Variants in NR1H2 observed in about 807,000 individuals in gnomAD.
NR1H2 encodes oxysterols receptor LXR-beta.
Under a neutral mutation model 51.2 loss-of-function variants are expected in NR1H2, and 33 were observed. That is an observed-to-expected ratio of 0.64 (90% CI 0.49 to 0.86). The LOEUF is 0.86. NR1H2 is among the 40% of genes least tolerant of loss of function. The pLI is 0.00. For missense variants in NR1H2, 592 were observed against 639.9 expected, an observed-to-expected ratio of 0.93 and a Z score of 0.81; for synonymous variants, 310 against 264.3, an observed-to-expected ratio of 1.17 and a Z score of -1.68.
rs2037720841 is a variant in NR1H2 at position 50,379,031 on chromosome 19, C to T, written c.777C>T (p.Ser259=). The T allele has an allele frequency of 6.2e-7, 1 of 1,612,490 alleles. No individual in the cohort carries two copies. Among genetic ancestry groups the T allele is most frequent in the African/African-American group, 1.3e-5 (1 of 74,896 alleles). Residue 259 remains serine (S), a synonymous_variant, in exon 7 of 10, where the codon TCC becomes TCT. Transcript: ENST00000253727. ...TPWPLGADPQ[S]RDARQQRFAH... The stretch of plus-strand genomic sequence containing the variant: ...GGCCCCTGGGCGCAGACCCCCAGTC[C>T]CGAGATGCCCGCCAGCAACGCTTTG...
Position 50,377,567 on chromosome 19 carries a change from C to G in NR1H2, c.-19-20C>G. Reference sequence around the variant, plus strand: ...ACCCTTCTTAGCCCCACAAGGCTCTCAATCCCCTGTATTCTACAGGCTGCT... The same window carrying G: ...ACCCTTCTTAGCCCCACAAGGCTCTGAATCCCCTGTATTCTACAGGCTGCT... On this transcript the variant is annotated intron_variant, in intron 2 of 9. Coordinates refer to ENST00000253727, the MANE Select transcript of NR1H2 (RefSeq NM_007121.7). 6.2e-7 allele frequency: 1 copy of G among 1,604,118 alleles called. No individual in the cohort carries two copies. The highest frequency in any genetic ancestry group is 8.5e-7 in the Non-Finnish European group (1 of 1,172,546).
chr19:50,379,128 C>T lies in NR1H2; in HGVS notation c.874C>T (p.Leu292=), dbSNP rs1207096864. The stretch of plus-strand genomic sequence containing the variant: ...CTTCGCTAAGCAAGTGCCTGGTTTC[C>T]TGCAGCTGGGCCGGGAGGACCAGAT... ...VDFAKQVPGF[L]QLGREDQIAL... Residue 292 remains leucine, a synonymous_variant, in exon 7 of 10, where the codon CTG becomes TTG. Coordinates refer to ENST00000253727, the MANE Select transcript of NR1H2 (RefSeq NM_007121.7). 6.2e-7 allele frequency: 1 copy of T among 1,614,000 alleles called. No individual in the cohort carries two copies. The highest frequency in any genetic ancestry group is 8.5e-7 in the Non-Finnish European group (1 of 1,180,016).
At position 50,378,267 on chromosome 19, in the gene NR1H2, C is replaced by T. The variant is rs756954041; in HGVS notation, c.300C>T (p.Asn100=). Residue 100 remains asparagine, a synonymous_variant, in exon 5 of 10, where the codon AAC becomes AAT. Coordinates refer to ENST00000253727, the MANE Select transcript of NR1H2 (RefSeq NM_007121.7). ...ACAAGGCCTCCGGCTTCCACTACAA[C>T]GTGCTCAGCTGCGAAGGCTGCAAGG... ...CGDKASGFHY[N]VLSCEGCKGF... The T allele has an allele frequency of 1.5e-5, 25 of 1,613,460 alleles. No individual in the cohort carries two copies. Among genetic ancestry groups the T allele is most frequent in the African/African-American group, 1.3e-4 (10 of 74,954 alleles).
At position 50,378,022 on chromosome 19, in the gene NR1H2, AATGTG is replaced by A. The variant is rs1049608427; in HGVS notation, c.182-125_182-121del. 25 of 1,413,280 alleles carry A rather than the reference AATGTG, an allele frequency of 1.8e-5. No individual in the cohort carries two copies. In the African/African-American group the frequency reaches 3.2e-4, roughly 18 times the overall value. The allele number at this position is 1,413,280 out of a possible 1,614,324, so 87.5% of individuals were successfully genotyped here. The stretch of plus-strand genomic sequence containing the variant: ...ATCTTTCTAAATTGCAATTTCCCTG[AATGTG>A]AGCAGCAACTCCTCTCTCCCTCCAT... On this transcript the variant is annotated intron_variant, in intron 4 of 9. Coordinates refer to ENST00000253727, the MANE Select transcript of NR1H2 (RefSeq NM_007121.7).
chr19:50,381,475 G>A (rs990560533), intron 8 of NR1H2, among the ~76,000 whole-genome samples: 1 of 152,182 alleles, frequency 6.6e-6, no homozygotes, highest in East Asian at 1.9e-4. Flanking sequence ...GTCTATGACC[G>A]GTCCCCTAGG....
chr19:50,381,208 A>G (rs2037760177), intron 8 of NR1H2, among the ~76,000 whole-genome samples: 2 of 152,196 alleles, frequency 1.3e-5, no homozygotes, highest in African/African-American at 4.8e-5. Context: ...GGACCTTCCC[A>G]GTTTTAACAC....
Position 50,382,523 on chromosome 19 carries a change from C to T in NR1H2, c.1304C>T (p.Ser435Leu). 2 of 1,610,050 alleles carry T rather than the reference C, an allele frequency of 1.2e-6. No individual in the cohort carries two copies. The highest frequency in any genetic ancestry group is 1.7e-6 in the Non-Finnish European group (2 of 1,178,320). The change falls in exon 10 of 10, where the codon TCG becomes TTG. Residue 435 changes from serine to leucine, a missense_variant. By Grantham distance (145) the Ser-to-Leu change is moderately radical. Around this residue, in one of 3 missense-constraint regions of NR1H2, gnomAD observed 174 missense variants for 174.0 expected, o/e 1.00. Transcript: ENST00000253727. ...VSLRTLSSVH[S>L]EQVFALRLQD... ...CTGCGCACGCTGAGCTCTGTGCACT[C>T]GGAGCAGGTCTTCGCCTTGCGGCTC...
Position 50,378,582 on chromosome 19 carries a change from A to C in NR1H2, c.533A>C (p.Gln178Pro). ...ATTCGGAAACAGCAGCAGGAGTCAC[A>C]GTCACAGTCGCAGTCACCTGTGGGG... ...KKIRKQQQES[Q>P]SQSQSPVGPQ... The change falls in exon 6 of 10, where the codon CAG becomes CCG. Residue 178 changes from glutamine to proline, a missense_variant. Coordinates refer to ENST00000253727, the MANE Select transcript of NR1H2 (RefSeq NM_007121.7). 6.2e-7 allele frequency: 1 copy of C among 1,613,784 alleles called. No homozygotes were observed.
chr19:50,378,960 C>A (rs771690467), intron 6 of NR1H2, 42 bp from the exon 7 acceptor site: 2 of 1,567,232 alleles, frequency 1.3e-6, no homozygotes, highest in Admixed American at 3.6e-5. Flanking sequence ...CAGACTTAGG[C>A]TCACAAAGAC....
Position 50,378,169 on chromosome 19 carries a change from G to A in NR1H2, c.202G>A (p.Glu68Lys). Residue 68 changes from glutamate (E) to lysine (K), a missense_variant, in exon 5 of 10, where the codon GAA becomes AAA. Glu to Lys is a moderately conservative substitution (Grantham distance 56). This residue lies in a region of NR1H2 where 316 missense variants were observed against 313.4 expected (regional missense o/e 1.01). Coordinates refer to ENST00000253727, the MANE Select transcript of NR1H2 (RefSeq NM_007121.7). ...CCCAGTCATCCCAGATCCCGAAGAG[G>A]AACCAGAGCGCAAGCGAAAGAAGGG... ...TDWVIPDPEE[E>K]PERKRKKGPA... 1 of 1,611,042 alleles carries A rather than the reference G, an allele frequency of 6.2e-7. No individual in the cohort carries two copies. Among genetic ancestry groups the A allele is most frequent in the Non-Finnish European group, 8.5e-7 (1 of 1,178,346 alleles).
Position 50,378,758 on chromosome 19 carries a change from T to C in NR1H2, c.709T>C (p.Cys237Arg). The change falls in exon 6 of 10, where the codon TGC (cysteine) becomes CGC (arginine). Residue 237 changes from cysteine to arginine, a missense_variant. Cys to Arg is a radical substitution (Grantham distance 180, BLOSUM62 -3). Around this residue, in one of 3 missense-constraint regions of NR1H2, gnomAD observed 102 missense variants for 152.4 expected, o/e 0.67. Coordinates refer to ENST00000253727, the MANE Select transcript of NR1H2 (RefSeq NM_007121.7). ...GCAGTTGGTGGCGGCCCAACTGCAG[T>C]GCAACAAACGCTCCTTCTCCGACCA... ...IQQLVAAQLQ[C>R]NKRSFSDQPK... 1 of 1,613,788 alleles carries C rather than the reference T, an allele frequency of 6.2e-7. No individual in the cohort carries two copies. The highest frequency in any genetic ancestry group is 8.5e-7 in the Non-Finnish European group (1 of 1,180,034).
At position 50,377,622 on chromosome 19, in the gene NR1H2, C is replaced by T. The variant is rs376163187; in HGVS notation, c.17C>T (p.Thr6Met). 2 of 1,613,896 alleles carry T rather than the reference C, an allele frequency of 1.2e-6. No homozygotes were observed. Among genetic ancestry groups the T allele is most frequent in the South Asian group, 1.1e-5 (1 of 91,074 alleles). The change falls in exon 3 of 10, where the codon ACG (threonine) becomes ATG (methionine). Residue 6 changes from threonine (T) to methionine (M), a missense_variant. Around this residue, in one of 3 missense-constraint regions of NR1H2, gnomAD observed 316 missense variants for 313.4 expected, o/e 1.01. Coordinates refer to ENST00000253727, the MANE Select transcript of NR1H2 (RefSeq NM_007121.7). MSSPTTSSLDTPLPGN... is the reference protein window; with the variant it reads MSSPTMSSLDTPLPGN... The stretch of plus-strand genomic sequence containing the variant: ...GACCCCACCATGTCCTCTCCTACCA[C>T]GAGTTCCCTGGATACCCCCCTGCCT...
In NR1H2 at chr19:50,377,661, C is replaced by A. The variant is rs897352797; in HGVS notation, c.43+13C>A. 1 of 1,612,666 alleles carries A rather than the reference C, an allele frequency of 6.2e-7. No homozygotes were observed. Among genetic ancestry groups the A allele is most frequent in the Non-Finnish European group, 8.5e-7 (1 of 1,179,238 alleles). On this transcript the variant is annotated intron_variant, in intron 3 of 9. Transcript: ENST00000253727. ...ACCCCCCTGCCTGGTGAGTGACTCT[C>A]TTCCCCACCCAGCCCTTATCACACA...
chr19:50,382,739 GC>G lies in NR1H2; in HGVS notation c.*141del. On this transcript the variant is annotated 3_prime_UTR_variant, in exon 10 of 10. Coordinates refer to ENST00000253727, the MANE Select transcript of NR1H2 (RefSeq NM_007121.7). Reference sequence around the variant, plus strand: ...TATCGGCTCTCATCCCTTGGGATAAGCCCCAGTCCAGGTCCAGGAGGCTCCC... The same window carrying G: ...TATCGGCTCTCATCCCTTGGGATAAGCCCAGTCCAGGTCCAGGAGGCTCCC... 1 of 939,368 alleles carries G rather than the reference GC, an allele frequency of 1.1e-6. No individual in the cohort carries two copies. Among genetic ancestry groups the G allele is most frequent in the Non-Finnish European group, 1.5e-6 (1 of 650,738 alleles). 58.2% of individuals were successfully genotyped at this position (939,368 alleles called of 1,614,324 possible). A position where few individuals can be genotyped will look rare whatever the true frequency, so the allele number is the denominator to read the frequency against.
chr19:50,377,522 C>T, intron 2 of NR1H2, 65 bp from the exon 3 acceptor site: 1 of 1,286,708 alleles, frequency 7.8e-7, no homozygotes, highest in Non-Finnish European at 1.1e-6. Flanking sequence ...CCTGTCAGGA[C>T]CTGTAACTGA....
At position 50,378,993 on chromosome 19, in the gene NR1H2, G is replaced by A. The variant is rs752565599; in HGVS notation, c.748-9G>A. On this transcript the variant is annotated splice_polypyrimidine_tract_variant and intron_variant, in intron 6 of 9. Transcript: ENST00000253727. ...GACCTGGGAGTGACCCTGGTCTCCTGTGTCCCAGCCCTGGCCCCTGGGCGC... is the reference window on the plus strand; with the variant it reads ...GACCTGGGAGTGACCCTGGTCTCCTATGTCCCAGCCCTGGCCCCTGGGCGC... 2 of 1,601,214 alleles carry A rather than the reference G, an allele frequency of 1.2e-6. No individual in the cohort carries two copies. Among genetic ancestry groups the A allele is most frequent in the Non-Finnish European group, 8.5e-7 (1 of 1,174,362 alleles).
At chr19:50,379,715 G>C (rs1370945174) in intron 7 of NR1H2, 65 bp from the exon 8 acceptor site, 14 of 1,003,114 alleles carry the variant, frequency 1.4e-5, no homozygotes, top group Non-Finnish European at 2.2e-5. Context: ...TTTGGGCCAG[G>C]AGGGGAGGGA....
At chr19:50,379,294 T>G (rs903995985) in intron 7 of NR1H2, 113 bp downstream of exon 7, 2 of 1,157,400 alleles carry the variant, frequency 1.7e-6, no homozygotes, top group South Asian at 1.5e-5. Flanking sequence ...CCACGGCGAA[T>G]AGAGTCTTCT....
intron 7 of NR1H2, 79 bp from the exon 8 acceptor site, chr19:50,379,701 C>A: frequency 1.2e-6 from 1 of 859,254 alleles, no homozygotes; most frequent in Non-Finnish European, 2.0e-6. Flanking sequence ...AGATTAGACC[C>A]CCATTTGGGC....
Sources: gnomAD v4.1 joint callset for allele counts (sites outside exome capture counted in the v4.1 genomes callset) on GRCh38, gnomAD v4.1.1 for gene constraint, gnomAD v4.1.1 regional missense constraint, MANE v1.5 for transcripts, NCBI Gene and HGNC (gene_info 2026-07-23, HGNC 2026-07-21) for gene names.